GK5: variants seen among roughly 807,000 people sequenced by gnomAD.
The protein encoded by GK5 is ATP:glycerol 3-phosphotransferase 5.
Under a neutral mutation model 77.3 loss-of-function variants are expected in GK5, and 39 were observed. The observed-to-expected ratio is 0.50, with a 90% CI of 0.39 to 0.66. The LOEUF is 0.66. GK5 is among the 30% of genes least tolerant of loss of function. The pLI is 0.00. For missense variants in GK5, 487 were observed against 633.8 expected (o/e 0.77, Z 2.49); for synonymous variants, 211 against 208.0 (o/e 1.01, Z -0.13).
At chr3:142,214,882 G>A (rs2064250466) in intron 2 of GK5, among the ~76,000 whole-genome samples, 1 of 152,110 alleles carries the variant, frequency 6.6e-6, no homozygotes, top group East Asian at 1.9e-4. Flanking sequence ...AAAACAGTTT[G>A]CAGAAAATGG....
At chr3:142,208,623 T>G (rs754231342) in intron 3 of GK5, among the ~76,000 whole-genome samples, 22 of 152,346 alleles carry the variant, frequency 1.4e-4, no homozygotes, top group African/African-American at 5.3e-4. Context: ...AATCTATTGA[T>G]ATATAATTCT....
At chr3:142,220,501 C>T (rs969097161) in intron 1 of GK5, among the ~76,000 whole-genome samples, 1 of 152,214 alleles carries the variant, frequency 6.6e-6, no homozygotes, top group Middle Eastern at 3.4e-3. Flanking sequence ...GGAGGAAATG[C>T]CAATACCTCA....
rs572448924 is a variant in GK5, at chr3:142,167,095, C to G, written c.1442-1325G>C. On this transcript the variant is annotated intron_variant, in intron 15 of 15. Transcript: ENST00000392993. ...TATGTTTAAAGGTATTAATGTAGGCCAGGTGTGGTGGCTCATGCCTGTAAT... is the reference window on the plus strand; with the variant it reads ...TATGTTTAAAGGTATTAATGTAGGCGAGGTGTGGTGGCTCATGCCTGTAAT... 1.8e-3 allele frequency among the ~76,000 whole-genome samples: 267 copies of G among 152,100 alleles called. 1 individual carries two copies. The highest frequency in any genetic ancestry group is 3.4e-3 in the Non-Finnish European group (229 of 67,986).
chr3:142,168,906 A>G (rs545802189), intron 15 of GK5, among the ~76,000 whole-genome samples: 15 of 152,258 alleles, frequency 9.9e-5, no homozygotes, highest in Admixed American at 3.9e-4. Context: ...AAGTTGCAAT[A>G]GGGATATTGA....
intron 4 of GK5, 85 bp from the exon 5 acceptor site, chr3:142,199,018 C>T: frequency 1.1e-6 from 1 of 945,760 alleles, no homozygotes; most frequent in Non-Finnish European, 1.5e-6. Flanking sequence ...TGCAAACAAA[C>T]CCAATAACAA....
chr3:142,180,456 C>T (rs1428328921), intron 11 of GK5, among the ~76,000 whole-genome samples: 1 of 152,070 alleles, frequency 6.6e-6, no homozygotes, highest in South Asian at 2.1e-4. Context: ...GCGCACACCA[C>T]CATGCCCGGC....
intron 5 of GK5, among the ~76,000 whole-genome samples, chr3:142,188,420 G>A (rs562213147): frequency 2.0e-5 from 3 of 152,098 alleles, no homozygotes; most frequent in Non-Finnish European, 4.4e-5. Flanking sequence ...CTGTAGTCCC[G>A]CTACTTGGGA....
chr3:142,183,739 T>A (rs557408285), intron 9 of GK5, among the ~76,000 whole-genome samples: 17 of 150,822 alleles, frequency 1.1e-4, no homozygotes, highest in African/African-American at 4.1e-4. Flanking sequence ...GGATTGCAGG[T>A]GTGAGCCACT....
At chr3:142,173,708 A>AAAACAG (rs1241791358) in intron 12 of GK5, among the ~76,000 whole-genome samples, 1 of 151,936 alleles carries the variant, frequency 6.6e-6, no homozygotes, top group East Asian at 1.9e-4. Context: ...AACAAAAACA[A>AAAACAG]AAACAAAAAA....
chr3:142,219,951 A>G (rs1262100768), intron 1 of GK5, among the ~76,000 whole-genome samples: 2 of 152,236 alleles, frequency 1.3e-5, no homozygotes, highest in Non-Finnish European at 2.9e-5. Flanking sequence ...CCTGGGAGAC[A>G]GAGGGAGACT....
chr3:142,185,826 T>C (rs2063762846), intron 9 of GK5, 103 bp downstream of exon 9: 1 of 1,552,688 alleles, frequency 6.4e-7, no homozygotes, highest in Admixed American at 2.0e-5. Context: ...TTAATCTTAC[T>C]CTGCCAAAGA....
At chr3:142,212,718 T>G (rs1453159940) in intron 3 of GK5, among the ~76,000 whole-genome samples, 1 of 152,094 alleles carries the variant, frequency 6.6e-6, no homozygotes, top group Non-Finnish European at 1.5e-5. Context: ...AGGTTTGTTG[T>G]AAGGATAATG....
At position 142,170,339 on chromosome 3, in the gene GK5, G is replaced by A; in HGVS notation, c.1427C>T (p.Ala476Val). 1 of 1,614,070 alleles carries A rather than the reference G, an allele frequency of 6.2e-7. No homozygotes were observed. ...TTCACACATACCAACAGCAAGGCCA[G>A]CTAGAGAAGCTGCACCCAGGCATGA... is the stretch of plus-strand genomic sequence containing the variant. ...DMSCLGAASLAGLAVGFWTDK... is the reference protein window; with the variant it reads ...DMSCLGAASLVGLAVGFWTDK... The change falls in exon 15 of 16, where the codon GCT becomes GTT. Residue 476 changes from alanine (A) to valine (V), a missense_variant. By Grantham distance (64) the Ala-to-Val change is moderately conservative. Coordinates refer to ENST00000392993, the MANE Select transcript of GK5 (RefSeq NM_001039547.3).
chr3:142,224,432 A>G (rs932744461), intron 1 of GK5, among the ~76,000 whole-genome samples: 2 of 152,202 alleles, frequency 1.3e-5, no homozygotes, highest in Non-Finnish European at 2.9e-5. Context: ...AGGAACAACA[A>G]TAAGAACACC....
At chr3:142,221,773 A>G (rs1175694799) in intron 1 of GK5, among the ~76,000 whole-genome samples, 1 of 152,208 alleles carries the variant, frequency 6.6e-6, no homozygotes, top group Non-Finnish European at 1.5e-5. Context: ...TTCTTCTAGT[A>G]GTTAATTTGT....
chr3:142,196,042 C>T (rs905655398), intron 5 of GK5, among the ~76,000 whole-genome samples: 5 of 152,072 alleles, frequency 3.3e-5, no homozygotes, highest in Non-Finnish European at 7.4e-5. Flanking sequence ...TATTTCTCCT[C>T]GAGTTATTTC....
chr3:142,182,645 G>A (rs933706773), intron 10 of GK5, among the ~76,000 whole-genome samples: 3 of 152,022 alleles, frequency 2.0e-5, no homozygotes, highest in African/African-American at 4.8e-5. Flanking sequence ...CACCATGCCC[G>A]GCCCCTAGTA....
intron 1 of GK5, 24 bp from the exon 2 acceptor site, chr3:142,215,716 T>C (rs975347380): frequency 8.3e-7 from 1 of 1,209,462 alleles, no homozygotes; most frequent in Non-Finnish European, 1.2e-6. Flanking sequence ...GAAGATTTAG[T>C]AAAAACAGCA....
intron 1 of GK5, among the ~76,000 whole-genome samples, chr3:142,222,324 G>A (rs2064361183): frequency 6.6e-6 from 1 of 152,042 alleles, no homozygotes; most frequent in Admixed American, 6.5e-5. Flanking sequence ...CCAGCACTTT[G>A]GGAGGCCGAG....
Sources: allele counts gnomAD v4.1 joint callset (sites outside exome capture counted in the v4.1 genomes callset), GRCh38; gene constraint gnomAD v4.1.1; transcripts MANE v1.5; gene names NCBI Gene and HGNC (gene_info 2026-07-23, HGNC 2026-07-21).